WWC2: variants seen among roughly 807,000 people sequenced by gnomAD.
The protein encoded by WWC2 is WW and C2 domain containing 2, also known as protein WWC2.
A neutral mutation model predicts 138.5 loss-of-function variants in WWC2; 101 were observed. The ratio of observed to expected loss-of-function variants is 0.73; its 90% CI spans 0.62 to 0.86. WWC2 has a LOEUF of 0.86. WWC2 is among the 40% of genes least tolerant of loss of function. The pLI is 0.00. For missense variants in WWC2, 1,420 were observed against 1,419.4 expected, an observed-to-expected ratio of 1.00 and a Z score of -0.01; for synonymous variants, 558 against 538.4, an observed-to-expected ratio of 1.04 and a Z score of -0.50.
rs775532838 is a variant in WWC2 at position 183,320,015 on chromosome 4, G to C, written c.*4286G>C. On this transcript the variant is annotated 3_prime_UTR_variant, in exon 23 of 23. Coordinates refer to ENST00000403733, the MANE Select transcript of WWC2 (RefSeq NM_024949.6). Reference sequence around the variant, plus strand: ...GTTCAGCAGGCAAAGCCAGGAAGGAGTCAAAGTCCTTGCATTGCATCCCCA... The same window carrying C: ...GTTCAGCAGGCAAAGCCAGGAAGGACTCAAAGTCCTTGCATTGCATCCCCA... 5 of 1,613,876 alleles carry C rather than the reference G, an allele frequency of 3.1e-6. No individual in the cohort carries two copies. The Admixed American group carries it at 6.7e-5, about 22-fold the overall frequency.
chr4:183,175,545 G>T, intron 1 of WWC2, among the ~76,000 whole-genome samples: 1 of 152,158 alleles, frequency 6.6e-6, no homozygotes. Context: ...TTACAGGCGT[G>T]AGCCACCGTG....
intron 11 of WWC2, among the ~76,000 whole-genome samples, chr4:183,264,667 A>G (rs1290098475): frequency 1.3e-5 from 2 of 152,172 alleles, no homozygotes; most frequent in Non-Finnish European, 2.9e-5. Context: ...TGAACACTGC[A>G]GTGAATGCTT....
chr4:183,272,149 T>C (rs1004535428), intron 16 of WWC2, among the ~76,000 whole-genome samples: 1 of 152,160 alleles, frequency 6.6e-6, no homozygotes, highest in Non-Finnish European at 1.5e-5. Flanking sequence ...TGTTTTAGAT[T>C]ATGAGGAAGG....
At chr4:183,307,766 T>A (rs1342746905) in intron 21 of WWC2, among the ~76,000 whole-genome samples, 2 of 152,220 alleles carry the variant, frequency 1.3e-5, no homozygotes, top group Non-Finnish European at 2.9e-5. Context: ...TACTTAATGC[T>A]GAAAAACTAG....
chr4:183,206,627 C>CTT (rs1055152376), intron 2 of WWC2, among the ~76,000 whole-genome samples: 2 of 152,180 alleles, frequency 1.3e-5, no homozygotes, highest in Non-Finnish European at 2.9e-5. Flanking sequence ...CAGGAAACCT[C>CTT]TTTTATTTAC....
At chr4:183,108,450 C>G (rs1468157411) in intron 1 of WWC2, among the ~76,000 whole-genome samples, 5 of 152,024 alleles carry the variant, frequency 3.3e-5, no homozygotes. Flanking sequence ...CCGTCAAGAT[C>G]CTCACCAATA....
intron 1 of WWC2, among the ~76,000 whole-genome samples, chr4:183,160,935 G>A (rs930197923): frequency 2.0e-5 from 3 of 152,126 alleles, no homozygotes; most frequent in Admixed American, 1.3e-4. Flanking sequence ...AGATCGAGAA[G>A]TAGCTTTAAG....
intron 21 of WWC2, 107 bp from the exon 22 acceptor site, chr4:183,312,234 C>A: frequency 6.7e-7 from 1 of 1,496,952 alleles, no homozygotes. Context: ...GGCTGCCTTG[C>A]TTGCCCTCCT....
chr4:183,112,305 A>C (rs1048444507), intron 1 of WWC2, among the ~76,000 whole-genome samples: 4 of 152,216 alleles, frequency 2.6e-5, no homozygotes, highest in African/African-American at 9.6e-5. Flanking sequence ...TGCATCACTA[A>C]TGTTTTCATA....
intron 1 of WWC2, among the ~76,000 whole-genome samples, chr4:183,114,230 T>A (rs914777479): frequency 3.3e-5 from 5 of 152,178 alleles, no homozygotes; most frequent in African/African-American, 1.2e-4. Context: ...ATGATGTGCC[T>A]GCTCCTCTTT....
At chr4:183,216,797 A>G (rs1010442628) in intron 4 of WWC2, among the ~76,000 whole-genome samples, 7 of 152,232 alleles carry the variant, frequency 4.6e-5, no homozygotes, top group African/African-American at 7.2e-5. Context: ...CAGAGATAGA[A>G]GAGAGCAAGA....
At chr4:183,138,236 C>A (rs1170904311) in intron 1 of WWC2, among the ~76,000 whole-genome samples, 2 of 152,134 alleles carry the variant, frequency 1.3e-5, no homozygotes, top group Admixed American at 6.5e-5. Context: ...CAGGCTCTTT[C>A]TTTTTGCAGT....
chr4:183,282,530 G>C, intron 17 of WWC2, 178 bp from the exon 18 acceptor site: 6 of 630,600 alleles, frequency 9.5e-6, no homozygotes, highest in Non-Finnish European at 1.6e-5. Context: ...CAGGTTACTA[G>C]AGGGTGAAGA....
chr4:183,118,800 T>C (rs1022809183), intron 1 of WWC2, among the ~76,000 whole-genome samples: 6 of 152,322 alleles, frequency 3.9e-5, no homozygotes, highest in Middle Eastern at 3.4e-3. Flanking sequence ...TGCAGCCAAG[T>C]AGCCAAGCGT....
intron 16 of WWC2, among the ~76,000 whole-genome samples, chr4:183,278,573 T>C (rs1324668331): frequency 6.6e-6 from 1 of 151,904 alleles, no homozygotes; most frequent in East Asian, 1.9e-4. Flanking sequence ...TTGGGCAGTA[T>C]GGCCATTTTC....
chr4:183,227,012 C>G (rs1013802759), intron 4 of WWC2, among the ~76,000 whole-genome samples: 1 of 151,968 alleles, frequency 6.6e-6, no homozygotes, highest in African/African-American at 2.4e-5. Context: ...CTCATGGTGA[C>G]AGACCCCAGC....
chr4:183,262,732 G>A (rs531686666), intron 11 of WWC2, among the ~76,000 whole-genome samples: 5 of 152,334 alleles, frequency 3.3e-5, no homozygotes, highest in South Asian at 4.1e-4. Context: ...ACAGAAAGCC[G>A]CGTGGGGCCT....
At chr4:183,241,700 C>T (rs892004154) in intron 5 of WWC2, among the ~76,000 whole-genome samples, 1 of 152,084 alleles carries the variant, frequency 6.6e-6, no homozygotes, top group Non-Finnish European at 1.5e-5. Context: ...TGCAGAGCTC[C>T]CCGATAAACC....
chr4:183,176,456 T>C (rs781197661), intron 1 of WWC2, among the ~76,000 whole-genome samples: 2 of 152,158 alleles, frequency 1.3e-5, no homozygotes, highest in African/African-American at 2.4e-5. Flanking sequence ...GCAGTATCAC[T>C]CTGTCACTCA....
Sources: allele counts gnomAD v4.1 joint callset (sites outside exome capture counted in the v4.1 genomes callset), GRCh38; gene constraint gnomAD v4.1.1; transcripts MANE v1.5; gene names NCBI Gene and HGNC (gene_info 2026-07-23, HGNC 2026-07-21).